Variants in PARP15 observed in about 807,000 individuals in gnomAD.
PARP15 encodes poly(ADP-ribose) polymerase family member 15.
Under a neutral mutation model 62.1 loss-of-function variants are expected in PARP15, and 50 were observed. The ratio of observed to expected loss-of-function variants is 0.81; its 90% confidence interval spans 0.64 to 1.02. PARP15 has a LOEUF of 1.02. PARP15 is among the 50% of genes least tolerant of loss of function. The probability of loss-of-function intolerance (pLI) is 0.00; values close to 1 mark genes in which losing one functional copy is unlikely to be tolerated. For synonymous variants in PARP15, 309 were observed against 293.1 expected (o/e 1.05, Z -0.55); for missense variants, 820 against 826.5 (o/e 0.99, Z 0.10).
chr3:122,621,688 C>A, intron 8 of PARP15, 77 bp downstream of exon 8: 1 of 1,354,980 alleles, frequency 7.4e-7, no homozygotes, highest in South Asian at 1.6e-5. Flanking sequence ...TTAAGCAGAT[C>A]AGTGCTGAAT....
At chr3:122,616,711 A>G (rs751653607) in intron 5 of PARP15, among the ~76,000 whole-genome samples, 1 of 150,556 alleles carries the variant, frequency 6.6e-6, no homozygotes, top group Non-Finnish European at 1.5e-5. Context: ...TTTTTTTCTC[A>G]CTCCTCTCTC....
chr3:122,577,933 G>A, intron 1 of PARP15, 80 bp downstream of exon 1: 2 of 1,410,780 alleles, frequency 1.4e-6, no homozygotes, highest in East Asian at 2.6e-5. Flanking sequence ...AGCCCGAGCG[G>A]GCGCAGAGAC....
intron 1 of PARP15, among the ~76,000 whole-genome samples, chr3:122,582,038 C>T (rs1349830869): frequency 1.3e-5 from 2 of 152,156 alleles, no homozygotes; most frequent in Non-Finnish European, 2.9e-5. Context: ...TCACATTTTA[C>T]CATTTTCATC....
In PARP15 at chr3:122,626,838, A is replaced by G. The variant is rs1936760429; in HGVS notation, c.1243A>G (p.Lys415Glu). 1.2e-6 allele frequency: 2 copies of G among 1,606,128 alleles called. No individual in the cohort carries two copies. The highest frequency in any genetic ancestry group is 1.1e-5 in the South Asian group (1 of 88,486). ...LPAIGTGNAG[K>E]NPITVADNII... ...AATTTTTTTTTCAGGAAATGCCGGA[A>G]AAAACCCTATCACAGTTGCTGATAA... Residue 415 changes from lysine to glutamate, a missense_variant, in exon 9 of 12, where the codon AAA becomes GAA. By Grantham distance (56) the Lys-to-Glu change is moderately conservative. Coordinates refer to ENST00000464300, the MANE Select transcript of PARP15 (RefSeq NM_001113523.3).
At chr3:122,625,601 G>A (rs1050741156) in intron 8 of PARP15, among the ~76,000 whole-genome samples, 3 of 152,090 alleles carry the variant, frequency 2.0e-5, no homozygotes, top group African/African-American at 7.2e-5. Flanking sequence ...CATTAAGGTG[G>A]GCCCCAAACT....
At chr3:122,630,889 T>C (rs1256074492) in intron 9 of PARP15, among the ~76,000 whole-genome samples, 1 of 152,162 alleles carries the variant, frequency 6.6e-6, no homozygotes. Context: ...TAATTCCCAT[T>C]ACACAGATGA....
intron 8 of PARP15, among the ~76,000 whole-genome samples, chr3:122,623,839 G>A (rs773741753): frequency 6.6e-6 from 1 of 152,086 alleles, no homozygotes; most frequent in Non-Finnish European, 1.5e-5. Context: ...TGATTTCAAC[G>A]GACATTTTTG....
chr3:122,618,808 G>A (rs1936152620), intron 6 of PARP15, among the ~76,000 whole-genome samples: 1 of 152,148 alleles, frequency 6.6e-6, no homozygotes, highest in Admixed American at 6.5e-5. Flanking sequence ...GGATCCCAGA[G>A]CAGCAGACAG....
At position 122,584,573 on chromosome 3, in the gene PARP15, C is replaced by CTTT. The variant is rs377394521; in HGVS notation, c.186+6720_186+6721insTTT. Among the ~76,000 whole-genome samples the CTTT allele has an allele frequency of 1.8e-4, 24 of 136,932 alleles. 1 individual carries two copies. Among genetic ancestry groups the CTTT allele is most frequent in the African/African-American group, 5.6e-4 (20 of 35,912 alleles). 89.8% of individuals were successfully genotyped at this position (136,932 alleles called of 152,430 possible). ...TAAGGAAATATTCATCCATTTCTTT[C>CTTT]CTTTTTTTTTTTTTTCCGAGATGGA... On this transcript the variant is annotated intron_variant, in intron 1 of 11. Transcript: ENST00000464300.
Position 122,635,135 on chromosome 3 carries a change from CA to C in PARP15, c.1689del (p.Asp564ThrfsTer69), listed in dbSNP as rs1473190864. 6.2e-7 allele frequency: 1 copy of C among 1,613,986 alleles called. No individual in the cohort carries two copies. The highest frequency in any genetic ancestry group is 8.5e-7 in the Non-Finnish European group (1 of 1,179,918). On this transcript the variant is annotated frameshift_variant, in exon 11 of 12. Coordinates refer to ENST00000464300, the MANE Select transcript of PARP15 (RefSeq NM_001113523.3). LOFTEE classifies it high-confidence loss of function. The part of the protein sequence containing the change: ...NERLLFHGTD[A>X]DSVPYVNQHG... The stretch of plus-strand genomic sequence containing the variant: ...AGACTCCTCTTCCATGGGACAGATG[CA>C]GACTCAGTGCCATATGTCAATCAGC...
intron 1 of PARP15, among the ~76,000 whole-genome samples, chr3:122,593,450 T>G (rs1934105039): frequency 6.6e-6 from 1 of 152,160 alleles, no homozygotes; most frequent in African/African-American, 2.4e-5. Flanking sequence ...CCAATTTATA[T>G]TTTTAAATAC....
intron 3 of PARP15, among the ~76,000 whole-genome samples, chr3:122,612,403 C>T (rs999506907): frequency 2.1e-4 from 31 of 149,586 alleles, no homozygotes; most frequent in African/African-American, 7.2e-4. Context: ...TCTCTTTAAA[C>T]ATTTTTAAAT....
chr3:122,623,385 A>G (rs1331196372), intron 8 of PARP15, among the ~76,000 whole-genome samples: 4 of 152,202 alleles, frequency 2.6e-5, no homozygotes, highest in African/African-American at 2.4e-5. Flanking sequence ...ATGATACCCA[A>G]TGCAGAGGTC....
chr3:122,596,489 T>C (rs1191351669), intron 1 of PARP15, among the ~76,000 whole-genome samples: 6 of 150,828 alleles, frequency 4.0e-5, no homozygotes, highest in Non-Finnish European at 7.4e-5. Context: ...AACTCTATCC[T>C]CCTAGTTGCT....
In PARP15 at chr3:122,614,871, A is replaced by T. The variant is rs191522718; in HGVS notation, c.772-908A>T. Among the ~76,000 whole-genome samples the T allele has an allele frequency of 7.2e-5, 11 of 152,216 alleles. No individual in the cohort carries two copies. In the East Asian group the frequency reaches 1.9e-3, roughly 27 times the overall value. On this transcript the variant is annotated intron_variant, in intron 4 of 11. Coordinates refer to ENST00000464300, the MANE Select transcript of PARP15 (RefSeq NM_001113523.3). ...TGGCAAAACCTCATCTCTACAAAAA[A>T]TACAAAAAATTAGCCGGGCGTGGTG...
At chr3:122,602,305 G>A (rs148031618) in intron 1 of PARP15, among the ~76,000 whole-genome samples, 2,420 of 152,270 alleles carry the variant, frequency 0.016, 67 homozygotes, top group African/African-American at 0.053. Context: ...CAGATGGTAC[G>A]TAGACAATAA....
chr3:122,586,577 A>T (rs1430853027), intron 1 of PARP15, among the ~76,000 whole-genome samples: 1 of 152,186 alleles, frequency 6.6e-6, no homozygotes. Flanking sequence ...TATATTATCC[A>T]TTCTTAACTT....
intron 4 of PARP15, 178 bp from the exon 5 acceptor site, chr3:122,615,601 A>G (rs574295054): frequency 2.2e-6 from 3 of 1,360,620 alleles, no homozygotes; most frequent in Admixed American, 5.1e-5. Flanking sequence ...CAGCACTGCT[A>G]TTTGTGGAGA....
intron 10 of PARP15, among the ~76,000 whole-genome samples, chr3:122,633,377 A>T (rs372561614): frequency 6.6e-6 from 1 of 152,188 alleles, no homozygotes; most frequent in Non-Finnish European, 1.5e-5. Flanking sequence ...AAAGGAGGAG[A>T]TACCTCGTGG....
Sources: allele counts gnomAD v4.1 joint callset (sites outside exome capture counted in the v4.1 genomes callset), GRCh38; gene constraint gnomAD v4.1.1; transcripts MANE v1.5; gene names NCBI Gene and HGNC (gene_info 2026-07-23, HGNC 2026-07-21).